Variants in PRKDC observed in about 807,000 individuals in gnomAD.
PRKDC encodes the protein DNA-dependent protein kinase catalytic subunit.
A neutral mutation model predicts 486.9 loss-of-function variants in PRKDC; 82 were observed. The observed-to-expected ratio is 0.17, with a 90% CI of 0.14 to 0.20. The LOEUF is 0.20. Ranked by LOEUF, PRKDC falls within the 10% of genes least tolerant of loss-of-function variation. The pLI, the probability that PRKDC is intolerant of heterozygous loss-of-function variation, is 1.00. For missense variants in PRKDC, 4,504 were observed against 5,038.2 expected, an observed-to-expected ratio of 0.89 and a Z score of 3.21; for synonymous variants, 1,895 against 1,837.0, an observed-to-expected ratio of 1.03 and a Z score of -0.81.
rs1464162293 is a variant in PRKDC, at chr8:47,776,907, G to T, written c.12119C>A (p.Pro4040His). 1 of 1,613,656 alleles carries T rather than the reference G, an allele frequency of 6.2e-7. No individual in the cohort carries two copies. Among genetic ancestry groups the T allele is most frequent in the African/African-American group, 1.3e-5 (1 of 74,876 alleles). ...EINVAEKNWY[P>H]RQKICYAKRK... ...CTTAGCGTAACATATTTTCTGTCGGGGGTACCAATTTTTTTCAGCAACATT... is the reference window on the plus strand; with the variant it reads ...CTTAGCGTAACATATTTTCTGTCGGTGGTACCAATTTTTTTCAGCAACATT... Residue 4040 changes from proline to histidine, a missense_variant, in exon 85 of 86, where the codon CCC (proline) becomes CAC (histidine). Pro to His is a moderately conservative substitution (Grantham distance 77). Coordinates refer to ENST00000314191, the MANE Select transcript of PRKDC (RefSeq NM_006904.7).
intron 42 of PRKDC, 65 bp from the exon 43 acceptor site, chr8:47,862,606 A>C: frequency 6.9e-7 from 1 of 1,459,134 alleles, no homozygotes; most frequent in Non-Finnish European, 9.2e-7. Context: ...AAGCCCAACA[A>C]TGCCAGACAA....
Position 47,783,791 on chromosome 8 carries a change from C to A in PRKDC, c.11126G>T (p.Gly3709Val). 6.2e-7 allele frequency: 1 copy of A among 1,613,930 alleles called. No homozygotes were observed. Among genetic ancestry groups the A allele is most frequent in the Non-Finnish European group, 8.5e-7 (1 of 1,179,868 alleles). ...LEIPGQYDGR[G>V]KPLPEYHVRI... is the part of the protein sequence containing the mutation. ...CACGTGGTACTCTGGCAATGGCTTTCCCCTACCGTCATACTGACCTAAAAC... is the reference window on the plus strand; with the variant it reads ...CACGTGGTACTCTGGCAATGGCTTTACCCTACCGTCATACTGACCTAAAAC... Residue 3709 changes from glycine (G) to valine (V), a missense_variant, in exon 78 of 86, where the codon GGA (glycine) becomes GTA (valine). Gly to Val is a moderately radical substitution (Grantham distance 109). Around this residue, in one of 6 missense-constraint regions of PRKDC, gnomAD observed 706 missense variants for 945.0 expected, o/e 0.75. Transcript: ENST00000314191.
At chr8:47,856,342 C>T (rs1412522682) in intron 49 of PRKDC, among the ~76,000 whole-genome samples, 6 of 152,112 alleles carry the variant, frequency 3.9e-5, no homozygotes, top group Non-Finnish European at 1.5e-5. Flanking sequence ...ATTCTCCTGC[C>T]TCAGCCTCCC....
At chr8:47,827,118 T>TCACA (rs61385951) in intron 62 of PRKDC, among the ~76,000 whole-genome samples, 2,826 of 128,202 alleles carry the variant, frequency 0.022, 45 homozygotes, top group Non-Finnish European at 0.031. Context: ...AATATGAAGA[T>TCACA]CACACACACA....
rs542484488 is a variant in PRKDC at position 47,945,563 on chromosome 8, G to A, written c.722-1534C>T. ...CCTGTCTGCAAGGTTCATCCATGCT[G>A]CAGCATGTGTCAGACTTTCCTGCCT... On this transcript the variant is annotated intron_variant, in intron 7 of 85. Coordinates refer to ENST00000314191, the MANE Select transcript of PRKDC (RefSeq NM_006904.7). 3.3e-5 allele frequency among the ~76,000 whole-genome samples: 5 copies of A among 152,238 alleles called. No homozygotes were observed. The South Asian group carries it at 8.3e-4, about 25-fold the overall frequency.
chr8:47,819,985 A>G (rs893350865), intron 66 of PRKDC, among the ~76,000 whole-genome samples: 16 of 152,254 alleles, frequency 1.1e-4, no homozygotes, highest in African/African-American at 3.9e-4. Flanking sequence ...TCACTTACAA[A>G]CAAACAACTG....
chr8:47,907,906 T>C (rs1206813770), intron 25 of PRKDC, among the ~76,000 whole-genome samples: 4 of 152,288 alleles, frequency 2.6e-5, no homozygotes, highest in South Asian at 2.1e-4. Flanking sequence ...CACGTAAACA[T>C]ATGCACTCTA....
chr8:47,779,912 CT>C lies in PRKDC; in HGVS notation c.11490-820del, dbSNP rs925534980. ...CTCTTTTTCTTTTGTTTTGTTTTGT[CT>C]TTTTTTTTTTTTTTTTTTTGAGACA... On this transcript the variant is annotated intron_variant, in intron 80 of 85. Coordinates refer to ENST00000314191, the MANE Select transcript of PRKDC (RefSeq NM_006904.7). Among the ~76,000 whole-genome samples the C allele has an allele frequency of 6.1e-3, 652 of 107,050 alleles. 1 individual carries two copies. The highest frequency in any genetic ancestry group is 0.047 in the Middle Eastern group (6 of 128). 70.2% of individuals were successfully genotyped at this position (107,050 alleles called of 152,430 possible).
Position 47,900,302 on chromosome 8 carries a change from C to G in PRKDC, c.3364+71G>C. ...AAAAAAACCTTATAAGAGAATCACA[C>G]GAGCCTTAACTCCTCATTGGGGAAA... On this transcript the variant is annotated intron_variant, in intron 28 of 85. Transcript: ENST00000314191. 4 of 1,085,744 alleles carry G rather than the reference C, an allele frequency of 3.7e-6. No individual in the cohort carries two copies. In the South Asian group the frequency reaches 8.0e-5, roughly 22 times the overall value. 67.3% of individuals were successfully genotyped at this position (1,085,744 alleles called of 1,614,324 possible).
In PRKDC at chr8:47,886,040, A is replaced by G. The variant is rs778001562; in HGVS notation, c.4680T>C (p.Tyr1560=). 5 of 1,613,830 alleles carry G rather than the reference A, an allele frequency of 3.1e-6. No individual in the cohort carries two copies. The South Asian group carries it at 5.5e-5, about 18-fold the overall frequency. ...VIHFSHGEYF[Y]SLFSETINTE... ...TGTTGATCGTTTCTGAGAACAAGCTATAGAAATACTCCCCATGGGAGAAGT... is the reference window on the plus strand; with the variant it reads ...TGTTGATCGTTTCTGAGAACAAGCTGTAGAAATACTCCCCATGGGAGAAGT... Residue 1560 remains tyrosine, a synonymous_variant, in exon 36 of 86, where the codon TAT becomes TAC. Transcript: ENST00000314191.
Position 47,890,312 on chromosome 8 carries a change from A to G in PRKDC, c.4016T>C (p.Val1339Ala). 6.2e-7 allele frequency: 1 copy of G among 1,613,080 alleles called. No individual in the cohort carries two copies. Among genetic ancestry groups the G allele is most frequent in the Middle Eastern group, 1.8e-4 (1 of 5,564 alleles). The stretch of plus-strand genomic sequence containing the variant: ...AGTCGTGGTAAACTCCATAATCCGG[A>G]CCACAACGGTGCATTTGCTGTAGTT... ...RYNYSKCTVV[V>A]RIMEFTTTLL... Residue 1339 changes from valine (V) to alanine (A), a missense_variant, in exon 32 of 86, where the codon GTC (valine) becomes GCC (alanine). Physicochemically the swap from Val to Ala is moderately conservative, Grantham distance 64. This residue lies in a region of PRKDC where 1,969 missense variants were observed against 2,068.9 expected (regional missense o/e 0.95). Transcript: ENST00000314191.
chr8:47,792,172 G>A (rs192223402), intron 74 of PRKDC, among the ~76,000 whole-genome samples: 135 of 151,996 alleles, frequency 8.9e-4, no homozygotes, highest in Non-Finnish European at 1.5e-3. Context: ...GGTGGAAAGC[G>A]GGGATGGTTA....
intron 7 of PRKDC, among the ~76,000 whole-genome samples, chr8:47,948,075 CCT>C (rs2090564377): frequency 6.7e-6 from 1 of 150,030 alleles, no homozygotes; most frequent in Non-Finnish European, 1.5e-5. Flanking sequence ...AAAGTGAGAC[CCT>C]GTCTCAAAAA....
chr8:47,845,784 A>C lies in PRKDC; in HGVS notation c.7280+3370T>G, dbSNP rs895404182. 3.9e-5 allele frequency among the ~76,000 whole-genome samples: 6 copies of C among 152,268 alleles called. No homozygotes were observed. In the South Asian group the frequency reaches 1.0e-3, roughly 26 times the overall value. The stretch of plus-strand genomic sequence containing the variant: ...AAGAATTGGTACGAATCCTACTGAA[A>C]CTATTTCACAAAACCAAGGAGGAAG... On this transcript the variant is annotated intron_variant, in intron 54 of 85. Transcript: ENST00000314191.
intron 40 of PRKDC, among the ~76,000 whole-genome samples, chr8:47,871,174 GATA>G (rs774021902): frequency 6.6e-6 from 1 of 152,080 alleles, no homozygotes; most frequent in Non-Finnish European, 1.5e-5. Flanking sequence ...TTTTCAAAGG[GATA>G]ATAACAGAGA....
chr8:47,816,206 C>CA (rs111281154), intron 68 of PRKDC, among the ~76,000 whole-genome samples: 34,450 of 145,512 alleles, frequency 0.24, 7,492 homozygotes, highest in African/African-American at 0.57. Flanking sequence ...AAGACTGCAT[C>CA]AAAAAAAAAA....
intron 3 of PRKDC, 23 bp from the exon 4 acceptor site, chr8:47,955,971 C>T: frequency 6.7e-7 from 1 of 1,483,578 alleles, no homozygotes; most frequent in Non-Finnish European, 9.2e-7. Context: ...AAAAAAATAA[C>T]CAAAATCATC....
At chr8:47,814,713 C>T (rs1301150973) in intron 68 of PRKDC, among the ~76,000 whole-genome samples, 1 of 152,098 alleles carries the variant, frequency 6.6e-6, no homozygotes, top group Non-Finnish European at 1.5e-5. Context: ...TTAATGAACT[C>T]GATAACTCTA....
chr8:47,927,277 T>C lies in PRKDC; in HGVS notation c.2336A>G (p.Tyr779Cys). 2 of 1,613,762 alleles carry C rather than the reference T, an allele frequency of 1.2e-6. No homozygotes were observed. The highest frequency in any genetic ancestry group is 1.7e-6 in the Non-Finnish European group (2 of 1,179,718). The change falls in exon 21 of 86, where the codon TAT becomes TGT. Residue 779 changes from tyrosine to cysteine, a missense_variant. Tyr to Cys is a radical substitution (Grantham distance 194, BLOSUM62 -2). Around this residue, in one of 6 missense-constraint regions of PRKDC, gnomAD observed 1,969 missense variants for 2,068.9 expected, o/e 0.95. Transcript: ENST00000314191. ...GLNALEEWSIYIDRHVMQPYY... is the reference protein window; with the variant it reads ...GLNALEEWSICIDRHVMQPYY... The stretch of plus-strand genomic sequence containing the variant: ...AGGCTGCATTACATGTCTGTCAATA[T>C]AAATTGACCATTCTTCTAGAGCATT...
Sources: gnomAD v4.1 joint callset for allele counts (sites outside exome capture counted in the v4.1 genomes callset) on GRCh38, gnomAD v4.1.1 for gene constraint, gnomAD v4.1.1 regional missense constraint, MANE v1.5 for transcripts, NCBI Gene and HGNC (gene_info 2026-07-23, HGNC 2026-07-21) for gene names.